The following GABRB3 variants were observed in gnomAD, a reference collection of about 807,000 sequenced individuals.
The protein encoded by GABRB3 is gamma-aminobutyric acid receptor subunit beta-3.
A neutral mutation model predicts 52.1 loss-of-function variants in GABRB3; 14 were observed. That is an observed-to-expected ratio of 0.27 (90% confidence interval 0.18 to 0.42). GABRB3 has a LOEUF of 0.42. Among genes scored for constraint, GABRB3 ranks in the 10% least tolerant of loss-of-function variants. The pLI, the probability that GABRB3 is intolerant of heterozygous loss-of-function variation, is 1.00. For missense variants in GABRB3, 307 were observed against 609.1 expected, an observed-to-expected ratio of 0.50 and a Z score of 5.22; for synonymous variants, 260 against 232.3, an observed-to-expected ratio of 1.12 and a Z score of -1.08.
At chr15:26,743,058 T>A (rs376842982) in intron 3 of GABRB3, among the ~76,000 whole-genome samples, 1 of 150,756 alleles carries the variant, frequency 6.6e-6, no homozygotes, top group Admixed American at 6.7e-5. Flanking sequence ...GCCTCCTGAG[T>A]AGCTGGGATT....
chr15:26,760,086 GAAGA>G (rs545382848), intron 3 of GABRB3, among the ~76,000 whole-genome samples: 2 of 152,202 alleles, frequency 1.3e-5, no homozygotes, highest in Admixed American at 6.5e-5. Flanking sequence ...AAGGGAACCT[GAAGA>G]AAGAGTTTTC....
intron 3 of GABRB3, among the ~76,000 whole-genome samples, chr15:26,735,229 A>G (rs1279708582): frequency 6.6e-6 from 1 of 152,208 alleles, no homozygotes; most frequent in Non-Finnish European, 1.5e-5. Flanking sequence ...TAACAAACAA[A>G]GAGAAAATAA....
intron 3 of GABRB3, among the ~76,000 whole-genome samples, chr15:26,629,907 T>C (rs1415509721): frequency 2.0e-5 from 3 of 152,058 alleles, no homozygotes; most frequent in Non-Finnish European, 4.4e-5. Flanking sequence ...CTGGGCACCC[T>C]GAGAACGTTT....
At chr15:26,701,042 G>A (rs1040569816) in intron 3 of GABRB3, among the ~76,000 whole-genome samples, 24 of 144,152 alleles carry the variant, frequency 1.7e-4, no homozygotes, top group African/African-American at 3.2e-4. Context: ...GAGACAGAGC[G>A]AGACTCGTCT....
intron 3 of GABRB3, among the ~76,000 whole-genome samples, chr15:26,627,270 G>A (rs949409976): frequency 5.3e-5 from 8 of 151,170 alleles, no homozygotes; most frequent in Non-Finnish European, 1.0e-4. Context: ...TCACTCAAGA[G>A]CTCTAATGGA....
At chr15:26,619,030 G>A (rs1382297984) in intron 4 of GABRB3, among the ~76,000 whole-genome samples, 1 of 149,202 alleles carries the variant, frequency 6.7e-6, no homozygotes, top group African/African-American at 2.5e-5. Context: ...AGGTGCTGGA[G>A]AGGATGTGGA....
chr15:26,666,609 G>T (rs1887720747), intron 3 of GABRB3: 1 of 152,254 alleles, frequency 6.6e-6, no homozygotes, highest in African/African-American at 2.4e-5. Context: ...ATCAGTGCAT[G>T]TCAAATGCAG....
At chr15:26,726,961 C>T (rs2140146145) in intron 3 of GABRB3, among the ~76,000 whole-genome samples, 1 of 152,276 alleles carries the variant, frequency 6.6e-6, no homozygotes, top group South Asian at 2.1e-4. Flanking sequence ...GAGTTCGAGA[C>T]CAGCCTGACC....
intron 8 of GABRB3, among the ~76,000 whole-genome samples, chr15:26,556,774 A>C (rs1386521434): frequency 6.6e-6 from 1 of 152,168 alleles, no homozygotes; most frequent in African/African-American, 2.4e-5. Flanking sequence ...GGGTCACTAA[A>C]ACCATAGTAC....
At chr15:26,552,973 TA>T (rs1475331519) in intron 8 of GABRB3, among the ~76,000 whole-genome samples, 1 of 152,198 alleles carries the variant, frequency 6.6e-6, no homozygotes, top group Non-Finnish European at 1.5e-5. Flanking sequence ...CATATTTGGT[TA>T]CCATGAAAAG....
intron 3 of GABRB3, among the ~76,000 whole-genome samples, chr15:26,760,077 A>G (rs1191272546): frequency 1.3e-5 from 2 of 152,188 alleles, no homozygotes; most frequent in Admixed American, 1.3e-4. Context: ...CATACAGCAA[A>G]GGGAACCTGA....
intron 3 of GABRB3, chr15:26,629,242 G>T (rs1892837111): frequency 1.5e-6 from 2 of 1,365,214 alleles, no homozygotes; most frequent in Non-Finnish European, 1.9e-6. Context: ...GGGCAGCGCG[G>T]AAGCTTGGCC....
At chr15:26,664,239 G>A (rs1887634310) in intron 3 of GABRB3, among the ~76,000 whole-genome samples, 1 of 152,138 alleles carries the variant, frequency 6.6e-6, no homozygotes, top group Non-Finnish European at 1.5e-5. Flanking sequence ...TAGAGATGGG[G>A]TCTTGCTATG....
At chr15:26,672,973 T>C (rs542241760) in intron 3 of GABRB3, among the ~76,000 whole-genome samples, 9 of 145,474 alleles carry the variant, frequency 6.2e-5, no homozygotes, top group African/African-American at 2.2e-4. Flanking sequence ...GCACATGTCA[T>C]ACTTACTTAT....
In GABRB3 at chr15:26,602,574, C is replaced by A. The variant is rs373584832; in HGVS notation, c.461+18740G>T. The stretch of plus-strand genomic sequence containing the variant: ...TAATACCAAGCATCTTCTGTGACCA[C>A]AACAGAATAAAACTACGAATCAATA... On this transcript the variant is annotated intron_variant, in intron 4 of 8. Transcript: ENST00000311550. Among the ~76,000 whole-genome samples the A allele has an allele frequency of 2.0e-4, 31 of 152,028 alleles. No individual in the cohort carries two copies. In the East Asian group the frequency reaches 3.9e-3, roughly 19 times the overall value.
chr15:26,695,166 G>A (rs984509249), intron 3 of GABRB3, among the ~76,000 whole-genome samples: 1 of 152,068 alleles, frequency 6.6e-6, no homozygotes, highest in African/African-American at 2.4e-5. Context: ...CAAAATTAAT[G>A]ACAGACTAAA....
chr15:26,715,019 G>C (rs1032962609), intron 3 of GABRB3, among the ~76,000 whole-genome samples: 1 of 152,116 alleles, frequency 6.6e-6, no homozygotes, highest in Non-Finnish European at 1.5e-5. Flanking sequence ...TAGCAGTTAG[G>C]CACAAAAAAC....
intron 7 of GABRB3, among the ~76,000 whole-genome samples, chr15:26,566,343 CAT>C (rs977104859): frequency 6.6e-6 from 1 of 152,124 alleles, no homozygotes; most frequent in Admixed American, 6.5e-5. Context: ...ATGCAAGTCA[CAT>C]GTTTGTCATC....
chr15:26,567,743 A>G lies in GABRB3; in HGVS notation c.683-10T>C. On this transcript the variant is annotated splice_polypyrimidine_tract_variant and intron_variant, in intron 6 of 8. Transcript: ENST00000311550. The stretch of plus-strand genomic sequence containing the variant: ...AGTCGAGGATAGGCACCTATGGGAA[A>G]CAGACAAGGATATTACACTGGAGAA... 1 of 1,613,566 alleles carries G rather than the reference A, an allele frequency of 6.2e-7. No homozygotes were observed. The highest frequency in any genetic ancestry group is 8.5e-7 in the Non-Finnish European group (1 of 1,179,874).
Sources: allele counts gnomAD v4.1 joint callset (sites outside exome capture counted in the v4.1 genomes callset), GRCh38; gene constraint gnomAD v4.1.1; transcripts MANE v1.5; gene names NCBI Gene and HGNC (gene_info 2026-07-23, HGNC 2026-07-21).